Variants in KAZN observed in about 807,000 individuals in gnomAD.
The protein encoded by KAZN is kazrin, periplakin interacting protein, also known as kazrin.
Under a neutral mutation model 87.4 loss-of-function variants are expected in KAZN, and 40 were observed. The observed-to-expected ratio is 0.46, with a 90% CI of 0.36 to 0.60. KAZN has a LOEUF of 0.60. Ranked by LOEUF, KAZN falls within the 20% of genes least tolerant of loss-of-function variation. KAZN has a pLI of 0.00. For missense variants in KAZN, 898 were observed against 1,073.9 expected (o/e 0.84, Z 2.29); for synonymous variants, 466 against 458.3 (o/e 1.02, Z -0.22).
intron 2 of KAZN, among the ~76,000 whole-genome samples, chr1:14,410,667 T>C (rs926441246): frequency 7.9e-5 from 12 of 152,208 alleles, no homozygotes; most frequent in African/African-American, 2.9e-4. Context: ...CAATCAGAAC[T>C]GTCCTTATGA....
chr1:15,082,861 T>A (rs954105407), intron 8 of KAZN, among the ~76,000 whole-genome samples: 6 of 152,126 alleles, frequency 3.9e-5, no homozygotes, highest in Admixed American at 1.3e-4. Context: ...CCTGGCTAAT[T>A]TTTGTATTTT....
At chr1:14,500,405 A>G (rs1571803324) in intron 2 of KAZN, among the ~76,000 whole-genome samples, 1 of 152,110 alleles carries the variant, frequency 6.6e-6, no homozygotes, top group African/African-American at 2.4e-5. Context: ...AGCCTAGATA[A>G]TTTCTCAAAA....
At chr1:14,855,025 A>G (rs542142262) in intron 1 of KAZN, among the ~76,000 whole-genome samples, 2 of 152,192 alleles carry the variant, frequency 1.3e-5, no homozygotes, top group South Asian at 4.1e-4. Context: ...CACAGGTGCA[A>G]TTATTCCAGA....
At chr1:14,280,526 T>G (rs1652771891) in intron 2 of KAZN, among the ~76,000 whole-genome samples, 2 of 151,502 alleles carry the variant, frequency 1.3e-5, no homozygotes, top group Non-Finnish European at 2.9e-5. Context: ...GGGTGATACA[T>G]CTCCAAGCCA....
chr1:15,059,454 C>T (rs1288501800), intron 5 of KAZN, among the ~76,000 whole-genome samples: 1 of 152,198 alleles, frequency 6.6e-6, no homozygotes, highest in Admixed American at 6.5e-5. Context: ...GGCCGTGGCA[C>T]ATCAGGCCAC....
At chr1:14,400,043 C>T (rs1228526021) in intron 2 of KAZN, among the ~76,000 whole-genome samples, 1 of 152,082 alleles carries the variant, frequency 6.6e-6, no homozygotes, top group African/African-American at 2.4e-5. Context: ...AATGCCCACA[C>T]TCCTACCCAA....
At chr1:14,057,208 C>A (rs1642610600) in intron 1 of KAZN, among the ~76,000 whole-genome samples, 1 of 151,290 alleles carries the variant, frequency 6.6e-6, no homozygotes, top group Non-Finnish European at 1.5e-5. Context: ...AATCTCAGCT[C>A]ACTGCAATCT....
At chr1:14,788,016 A>G (rs1297157152) in intron 1 of KAZN, among the ~76,000 whole-genome samples, 1 of 152,192 alleles carries the variant, frequency 6.6e-6, no homozygotes, top group Non-Finnish European at 1.5e-5. Flanking sequence ...CTGTACAGGA[A>G]TGGCTGCATA....
intron 1 of KAZN, among the ~76,000 whole-genome samples, chr1:14,940,766 C>T (rs1660966956): frequency 6.6e-6 from 1 of 152,094 alleles, no homozygotes. Flanking sequence ...TCAGGCAGCC[C>T]CTCTGGAAGC....
At chr1:14,269,681 G>A (rs536854596) in intron 2 of KAZN, among the ~76,000 whole-genome samples, 4 of 152,158 alleles carry the variant, frequency 2.6e-5, no homozygotes, top group African/African-American at 4.8e-5. Context: ...GGAAAATTCC[G>A]TGTGGTTACA....
chr1:15,038,385 TCA>T (rs113399882), intron 3 of KAZN, among the ~76,000 whole-genome samples: 4,789 of 152,294 alleles, frequency 0.031, 246 homozygotes, highest in African/African-American at 0.11. Context: ...AGAGGCCACC[TCA>T]GCAGGAGCTG....
intron 1 of KAZN, among the ~76,000 whole-genome samples, chr1:14,805,481 G>A (rs1236701471): frequency 2.6e-5 from 4 of 152,252 alleles, no homozygotes; most frequent in South Asian, 2.1e-4. Flanking sequence ...TTACTAGGCC[G>A]GGTGCGGTGT....
At chr1:14,659,437 G>T (rs1344655261) in intron 1 of KAZN, among the ~76,000 whole-genome samples, 1 of 151,948 alleles carries the variant, frequency 6.6e-6, no homozygotes, top group Non-Finnish European at 1.5e-5. Flanking sequence ...GTATTGGGAA[G>T]ATAAGGGAAT....
chr1:14,261,564 C>CGACG (rs113906983), intron 2 of KAZN, among the ~76,000 whole-genome samples: 2,289 of 152,192 alleles, frequency 0.015, 62 homozygotes, highest in African/African-American at 0.051. Flanking sequence ...CATTCTCCAC[C>CGACG]GACGAGGCAC....
intron 1 of KAZN, among the ~76,000 whole-genome samples, chr1:13,916,903 A>G (rs1639873996): frequency 6.6e-6 from 1 of 152,114 alleles, no homozygotes; most frequent in South Asian, 2.1e-4. Context: ...AGGAAGAGGC[A>G]GGGCTGCAAC....
chr1:14,264,883 C>A (rs1651351847), intron 2 of KAZN, among the ~76,000 whole-genome samples: 1 of 152,086 alleles, frequency 6.6e-6, no homozygotes, highest in African/African-American at 2.4e-5. Context: ...CCAGGAAAAT[C>A]TCTATATTTT....
intron 2 of KAZN, among the ~76,000 whole-genome samples, chr1:14,330,825 A>G (rs1221465992): frequency 6.6e-6 from 1 of 152,244 alleles, no homozygotes; most frequent in African/African-American, 2.4e-5. Context: ...TGCAAAGAAT[A>G]AAACAAAACT....
chr1:14,354,860 G>A (rs1658881016), intron 2 of KAZN, among the ~76,000 whole-genome samples: 1 of 152,038 alleles, frequency 6.6e-6, no homozygotes, highest in African/African-American at 2.4e-5. Flanking sequence ...TTACCAAAGA[G>A]AAATGAAAAT....
intron 2 of KAZN, among the ~76,000 whole-genome samples, chr1:14,511,109 G>A (rs1051316764): frequency 8.1e-6 from 1 of 122,956 alleles, no homozygotes; most frequent in African/African-American, 3.2e-5. Context: ...TATCTGCGGG[G>A]GGTGGGAGGG....
Sources: allele counts gnomAD v4.1 joint callset (sites outside exome capture counted in the v4.1 genomes callset), GRCh38; gene constraint gnomAD v4.1.1; transcripts MANE v1.5; gene names NCBI Gene and HGNC (gene_info 2026-07-23, HGNC 2026-07-21).